The following SULF1 variants were observed in gnomAD, a reference collection of about 807,000 sequenced individuals.
SULF1 encodes sulfatase 1.
A neutral mutation model predicts 110.5 loss-of-function variants in SULF1; 46 were observed. That is an observed-to-expected ratio of 0.42 (90% confidence interval 0.33 to 0.53). SULF1 has a LOEUF of 0.53. Ranked by LOEUF, SULF1 falls within the 20% of genes least tolerant of loss-of-function variation. The probability of loss-of-function intolerance (pLI) is 0.12; values close to 1 mark genes in which losing one functional copy is unlikely to be tolerated. For synonymous variants in SULF1, 371 were observed against 387.1 expected, an observed-to-expected ratio of 0.96 and a Z score of 0.49; for missense variants, 941 against 1,094.2, an observed-to-expected ratio of 0.86 and a Z score of 1.98.
At chr8:69,642,307 A>G (rs1811542374) in intron 22 of SULF1, 4 of 987,312 alleles carry the variant, frequency 4.1e-6, no homozygotes, top group Non-Finnish European at 4.8e-6. Flanking sequence ...AGAGAAGGTC[A>G]TTAGTCCACC....
At chr8:69,618,168 A>G (rs147489277) in intron 13 of SULF1, among the ~76,000 whole-genome samples, 2,068 of 152,332 alleles carry the variant, frequency 0.014, 21 homozygotes, top group Non-Finnish European at 0.022. Context: ...AGTTGACTTC[A>G]CAGTTTTTAA....
At chr8:69,600,481 A>G in intron 8 of SULF1, 122 bp from the exon 9 acceptor site, 2 of 904,984 alleles carry the variant, frequency 2.2e-6, no homozygotes, top group Non-Finnish European at 3.2e-6. Flanking sequence ...TAGTTGGAAG[A>G]GGAAAATGTT....
At chr8:69,511,511 A>G (rs1166988884) in intron 3 of SULF1, among the ~76,000 whole-genome samples, 1 of 152,224 alleles carries the variant, frequency 6.6e-6, no homozygotes, top group East Asian at 1.9e-4. Flanking sequence ...GAGCTTCACG[A>G]AAGAGTAAAA....
intron 3 of SULF1, among the ~76,000 whole-genome samples, chr8:69,530,542 T>A (rs958511885): frequency 2.0e-5 from 3 of 152,232 alleles, no homozygotes; most frequent in Admixed American, 1.3e-4. Context: ...ATGCCTGTTC[T>A]GCTTTGACTT....
intron 3 of SULF1, among the ~76,000 whole-genome samples, chr8:69,514,946 T>C (rs1432953526): frequency 4.6e-5 from 7 of 152,232 alleles, no homozygotes; most frequent in African/African-American, 1.7e-4. Flanking sequence ...GTTCTGCCTC[T>C]GTGGTTCTGC....
intron 1 of SULF1, among the ~76,000 whole-genome samples, chr8:69,478,981 C>T (rs777574569): frequency 2.0e-5 from 3 of 152,170 alleles, no homozygotes; most frequent in Non-Finnish European, 2.9e-5. Context: ...TTCACAACTA[C>T]CCCGGGCATT....
chr8:69,575,823 GA>G (rs943715781), intron 5 of SULF1, 146 bp from the exon 6 acceptor site: 1 of 972,836 alleles, frequency 1.0e-6, no homozygotes, highest in African/African-American at 1.6e-5. Context: ...TTTTGTTGTA[GA>G]AATGAGAGCT....
At chr8:69,568,410 G>A (rs1804956415) in intron 5 of SULF1, among the ~76,000 whole-genome samples, 1 of 152,130 alleles carries the variant, frequency 6.6e-6, no homozygotes. Context: ...TCACTTTCAG[G>A]ACAAATAAAC....
chr8:69,498,482 T>C lies in SULF1; in HGVS notation c.-229+2556T>C, dbSNP rs146762139. Reference sequence around the variant, plus strand: ...TTACTGGGGCCACACTGTGATCCCATAAGATGGAGACAAAGCCCAAGACAC... The same window carrying C: ...TTACTGGGGCCACACTGTGATCCCACAAGATGGAGACAAAGCCCAAGACAC... On this transcript the variant is annotated intron_variant, in intron 2 of 22. Coordinates refer to ENST00000402687, the MANE Select transcript of SULF1 (RefSeq NM_001128205.2). Among the ~76,000 whole-genome samples the C allele has an allele frequency of 4.2e-3, 642 of 152,138 alleles. 3 individuals are homozygous for C. Among genetic ancestry groups the C allele is most frequent in the Non-Finnish European group, 4.4e-3 (299 of 67,984 alleles).
chr8:69,566,022 T>G (rs1209615610), intron 5 of SULF1, among the ~76,000 whole-genome samples: 1 of 151,800 alleles, frequency 6.6e-6, no homozygotes, highest in East Asian at 1.9e-4. Flanking sequence ...AAAACCACCC[T>G]CCCCTCCAGC....
At chr8:69,638,360 ATTC>A in intron 19 of SULF1, 139 bp from the exon 20 acceptor site, 1 of 980,780 alleles carries the variant, frequency 1.0e-6, no homozygotes, top group Non-Finnish European at 1.5e-6. Context: ...AGGTATTATT[ATTC>A]TTAACATGAA....
At chr8:69,497,446 A>G (rs1451456243) in intron 2 of SULF1, among the ~76,000 whole-genome samples, 2 of 152,112 alleles carry the variant, frequency 1.3e-5, no homozygotes, top group African/African-American at 2.4e-5. Flanking sequence ...ATGAGCCACC[A>G]GGCCCGGCCC....
intron 3 of SULF1, among the ~76,000 whole-genome samples, chr8:69,554,966 G>T (rs1441694352): frequency 8.4e-6 from 1 of 119,266 alleles, no homozygotes; most frequent in Non-Finnish European, 1.6e-5. Context: ...GCGACAGGGC[G>T]AGATTCCATC....
At chr8:69,605,196 C>T (rs1586530734) in intron 13 of SULF1, among the ~76,000 whole-genome samples, 2 of 152,318 alleles carry the variant, frequency 1.3e-5, no homozygotes, top group South Asian at 4.1e-4. Flanking sequence ...CACTGGTTTC[C>T]TCTGAGGAGA....
chr8:69,479,270 C>A (rs1809421890), intron 1 of SULF1, among the ~76,000 whole-genome samples: 1 of 152,162 alleles, frequency 6.6e-6, no homozygotes. Context: ...TGTGACAATT[C>A]TGTTTTCAAG....
rs560753948 is a variant in SULF1 at position 69,497,561 on chromosome 8, G to A, written c.-229+1635G>A. On this transcript the variant is annotated intron_variant, in intron 2 of 22. Coordinates refer to ENST00000402687, the MANE Select transcript of SULF1 (RefSeq NM_001128205.2). ...ACCTTACACATCTGTCTAAATGTGT[G>A]TATGTGTAAAGTATATAAAAATGCC... Among the ~76,000 whole-genome samples the A allele has an allele frequency of 1.4e-4, 21 of 152,324 alleles. No homozygotes were observed. The South Asian group carries it at 4.3e-3, about 32-fold the overall frequency.
chr8:69,647,752 C>T (rs1812032185), intron 22 of SULF1, among the ~76,000 whole-genome samples: 2 of 151,842 alleles, frequency 1.3e-5, no homozygotes, highest in Admixed American at 6.6e-5. Context: ...ATTACCCGGA[C>T]GTGGTGGTGC....
chr8:69,649,972 C>CTTTTTTTTTTTTTTTTTTTTTTTT lies in SULF1; in HGVS notation c.2586-8519_2586-8496dup, dbSNP rs536073966. On this transcript the variant is annotated intron_variant, in intron 22 of 22. Coordinates refer to ENST00000402687, the MANE Select transcript of SULF1 (RefSeq NM_001128205.2). ...CCCACTCTGTAATTCCTCCTGCTTG[C>CTTTTTTTTTTTTTTTTTTTTTTTT]TTTTTTTTTTTTTTTTTTTTTTTTT... 9.8e-5 allele frequency among the ~76,000 whole-genome samples: 3 copies of CTTTTTTTTTTTTTTTTTTTTTTTT among 30,588 alleles called. 1 individual carries two copies. Among genetic ancestry groups the CTTTTTTTTTTTTTTTTTTTTTTTT allele is most frequent in the African/African-American group, 3.3e-4 (3 of 9,140 alleles). 20.1% of individuals were successfully genotyped at this position (30,588 alleles called of 152,430 possible). A position where few individuals can be genotyped will look rare whatever the true frequency, so the allele number is the denominator to read the frequency against.
chr8:69,540,458 A>C (rs937728900), intron 3 of SULF1, among the ~76,000 whole-genome samples: 2 of 152,238 alleles, frequency 1.3e-5, no homozygotes, highest in African/African-American at 4.8e-5. Flanking sequence ...TGTTTCACAG[A>C]GGACATCTAC....
Sources: allele counts gnomAD v4.1 joint callset (sites outside exome capture counted in the v4.1 genomes callset), GRCh38; gene constraint gnomAD v4.1.1; transcripts MANE v1.5; gene names NCBI Gene and HGNC (gene_info 2026-07-23, HGNC 2026-07-21).